Variants in SGSH observed in about 807,000 individuals in gnomAD.
SGSH encodes heparan sulfate sulfatase.
SGSH carries 48 observed loss-of-function variants against 51.0 expected under a neutral mutation model. That is an observed-to-expected ratio of 0.94 (90% CI 0.75 to 1.20). The LOEUF (loss-of-function observed/expected upper bound fraction) is 1.20, where lower values mean the gene tolerates loss of function less well. SGSH is among the 50% of genes most tolerant of loss of function. The pLI is 0.00. For missense variants in SGSH, 662 were observed against 717.8 expected (o/e 0.92, Z 0.89); for synonymous variants, 321 against 313.4 (o/e 1.02, Z -0.26).
downstream of SGSH, chr17:80,205,514 T>A (rs746139019): frequency 6.3e-7 from 1 of 1,580,162 alleles, no homozygotes; most frequent in Admixed American, 1.8e-5. Context: ...GATGGCCCCG[T>A]CCAATGTCAC....
intron 1 of SGSH, chr17:80,219,759 CGGT>C (rs1490820508): frequency 7.2e-6 from 1 of 139,634 alleles, no homozygotes; most frequent in African/African-American, 2.7e-5. Flanking sequence ...TTGGGGGAGA[CGGT>C]GGTGGGTGGG....
At chr17:80,203,995 G>A (rs1435435180), downstream of SGSH, 1 of 946,154 alleles carries the variant, frequency 1.1e-6, no homozygotes, top group Admixed American at 2.5e-5. The surrounding 1 kb of genome is among the most constrained non-coding windows in gnomAD (Gnocchi z 4.6). Flanking sequence ...CTGATTGGAG[G>A]GTAACCCCAC....
chr17:80,214,581 G>A (rs201971603), intron 4 of SGSH, 34 bp downstream of exon 4: 25 of 1,602,722 alleles, frequency 1.6e-5, no homozygotes, highest in East Asian at 4.5e-5. Flanking sequence ...GGTACCGGCC[G>A]CCAGGGGGAA....
rs376523398 is a variant in SGSH at position 80,214,606 on chromosome 17, G to A, written c.506+9C>T. 1.1e-4 allele frequency: 172 copies of A among 1,611,348 alleles called. No homozygotes were observed. The highest frequency in any genetic ancestry group is 3.3e-4 in the Middle Eastern group (2 of 6,078). On this transcript the variant is annotated intron_variant, in intron 4 of 7. Coordinates refer to ENST00000326317, the MANE Select transcript of SGSH (RefSeq NM_000199.5). ...GCCAGGGGGAAGGGGCAGGGGCCCCGACTCATACCGGTCATCCTGAGTCTG... is the reference window on the plus strand; with the variant it reads ...GCCAGGGGGAAGGGGCAGGGGCCCCAACTCATACCGGTCATCCTGAGTCTG...
At chr17:80,215,182 G>A (rs1323593619) in intron 2 of SGSH, 44 bp from the exon 3 acceptor site, 1 of 1,427,028 alleles carries the variant, frequency 7.0e-7, no homozygotes. Flanking sequence ...CGGACAGCCA[G>A]AGCCCGCCTG....
rs104894640 is a variant in SGSH, at chr17:80,210,856, C to T, written c.1105G>A (p.Glu369Lys). 22 of 1,613,504 alleles carry T rather than the reference C, an allele frequency of 1.4e-5. No individual in the cohort carries two copies. Among genetic ancestry groups the T allele is most frequent in the East Asian group, 2.2e-5 (1 of 44,894 alleles). ...ATVFGSQSHH[E>K]VTMSYPMRSV... ...CGCATGGGGTAGGACATGGTGACCT[C>T]GTGGTGGCTCTGGCTGCCAAAGACG... The change falls in exon 8 of 8, where the codon GAG becomes AAG. Residue 369 changes from glutamate to lysine, a missense_variant. By Grantham distance (56) the Glu-to-Lys change is moderately conservative. Transcript: ENST00000326317.
chr17:80,211,051 G>C, intron 7 of SGSH, 40 bp from the exon 8 acceptor site: 1 of 1,597,022 alleles, frequency 6.3e-7, no homozygotes, highest in Non-Finnish European at 8.5e-7. Flanking sequence ...AGAGCCCTCA[G>C]CACACAGGAG....
intron 2 of SGSH, chr17:80,216,760 A>G (rs2041906061): frequency 3.8e-6 from 2 of 527,138 alleles, no homozygotes; most frequent in South Asian, 4.6e-5. Context: ...GCATCTCATT[A>G]CACCCACCAT....
intron 2 of SGSH, among the ~76,000 whole-genome samples, chr17:80,216,441 G>A (rs2041895510): frequency 6.6e-6 from 1 of 152,334 alleles, no homozygotes; most frequent in South Asian, 2.1e-4. Context: ...TGTTTCATGG[G>A]ACAGAGCTTC....
rs1016527290 is a variant in SGSH, at chr17:80,209,277, G to T, written c.*1175C>A. ...AATTCAGGTTGGTATCATCATAAAT[G>T]AGTTCAGAAAAAGAACTTCTGTATA... On this transcript the variant is annotated 3_prime_UTR_variant, in exon 8 of 8. Coordinates refer to ENST00000326317, the MANE Select transcript of SGSH (RefSeq NM_000199.5). 3 of 974,254 alleles carry T rather than the reference G, an allele frequency of 3.1e-6. No individual in the cohort carries two copies. Among genetic ancestry groups the T allele is most frequent in the Non-Finnish European group, 3.7e-6 (3 of 819,862 alleles). 60.4% of individuals were successfully genotyped at this position (974,254 alleles called of 1,614,324 possible).
downstream of SGSH, chr17:80,203,628 T>G: frequency 3.8e-6 from 2 of 522,496 alleles, no homozygotes; most frequent in Non-Finnish European, 6.8e-6. The surrounding 1 kb of genome is among the most constrained non-coding windows in gnomAD (Gnocchi z 4.6). Context: ...CCTGGAGTCT[T>G]TTGAAAGCTC....
downstream of SGSH, among the ~76,000 whole-genome samples, chr17:80,207,428 G>A (rs935920015): frequency 1.3e-5 from 2 of 152,184 alleles, no homozygotes; most frequent in Non-Finnish European, 2.9e-5. Context: ...GCGGGCGCCT[G>A]TAATCCCAGC....
downstream of SGSH, chr17:80,205,838 T>C: frequency 1.9e-6 from 1 of 534,782 alleles, no homozygotes; most frequent in East Asian, 3.2e-5. Context: ...TCCACGTGAC[T>C]GTGGGTGAGG....
downstream of SGSH, chr17:80,205,547 G>C: frequency 1.3e-6 from 2 of 1,585,858 alleles, no homozygotes; most frequent in Non-Finnish European, 8.6e-7. Context: ...TGAGCCAGGA[G>C]GAGTATGAGG....
Position 80,210,974 on chromosome 17 carries a change from C to A in SGSH, c.987G>T (p.Pro329=). 6.3e-7 allele frequency: 1 copy of A among 1,599,906 alleles called. No individual in the cohort carries two copies. The highest frequency in any genetic ancestry group is 8.5e-7 in the Non-Finnish European group (1 of 1,179,834). Residue 329 remains proline, a synonymous_variant, in exon 8 of 8, where the codon CCG becomes CCT. Transcript: ENST00000326317. ...TPTILDWFSI[P]YPSYAIFGSK... The stretch of plus-strand genomic sequence containing the variant: ...AGCCAAAGATGGCGTAGCTGGGGTA[C>A]GGGATCGAGAACCAATCCAAGATGG...
chr17:80,208,010 C>A (rs1405049778), downstream of SGSH: 1 of 623,210 alleles, frequency 1.6e-6, no homozygotes, highest in Non-Finnish European at 2.6e-6. Context: ...ATTTTCTTTA[C>A]AAGGTCCCCT....
chr17:80,204,112 T>A, downstream of SGSH: 1 of 1,035,070 alleles, frequency 9.7e-7, no homozygotes, highest in Non-Finnish European at 1.4e-6. Context: ...TCTCAGAGCA[T>A]CTGCGCCTCT....
chr17:80,207,413 T>TGGC (rs2041389874), downstream of SGSH, among the ~76,000 whole-genome samples: 1 of 152,178 alleles, frequency 6.6e-6, no homozygotes. Flanking sequence ...TAGCCAGGTG[T>TGGC]GGCGGCGGGC....
downstream of SGSH, chr17:80,207,078 A>C (rs2041361762): frequency 6.2e-7 from 1 of 1,612,824 alleles, no homozygotes; most frequent in Admixed American, 1.7e-5. Flanking sequence ...GATGGCAAAG[A>C]AGCTCAAGTA....
Sources: gnomAD v4.1 joint callset for allele counts (sites outside exome capture counted in the v4.1 genomes callset) on GRCh38, gnomAD v4.1.1 for gene constraint, Gnocchi (gnomAD v3.1) non-coding constraint, MANE v1.5 for transcripts, NCBI Gene and HGNC (gene_info 2026-07-23, HGNC 2026-07-21) for gene names.